ANO7: variants seen among roughly 807,000 people sequenced by gnomAD.
The protein encoded by ANO7 is anoctamin 7.
A neutral mutation model predicts 115.8 loss-of-function variants in ANO7; 114 were observed. That is an observed-to-expected ratio of 0.98 (90% CI 0.85 to 1.15). ANO7 has a LOEUF of 1.15. ANO7 is among the 50% of genes most tolerant of loss of function. ANO7 has a pLI of 0.00. For missense variants in ANO7, 1,302 were observed against 1,201.2 expected (o/e 1.08, Z -1.24); for synonymous variants, 550 against 498.2 (o/e 1.10, Z -1.38).
chr2:241,235,411 G>A, the ANO7 span: 11 of 1,462,636 alleles, frequency 7.5e-6, no homozygotes, highest in Admixed American at 3.4e-5. Flanking sequence ...TCAACAGGAA[G>A]TTGAGAAAGG....
chr2:241,239,518 C>T, the ANO7 span: 16 of 1,124,918 alleles, frequency 1.4e-5, no homozygotes, highest in Admixed American at 1.8e-4. This position sits in a 1 kb window ranked among gnomAD's most constrained non-coding sequence, Gnocchi z 4.6. Flanking sequence ...CACCTCCCTA[C>T]AGGGTGGAGC....
intron 16 of ANO7, 133 bp from the exon 17 acceptor site, chr2:241,212,439 C>A: frequency 9.2e-7 from 1 of 1,082,200 alleles, no homozygotes; most frequent in Non-Finnish European, 1.4e-6. Context: ...CAGCTCACAA[C>A]CGGGACTCTA....
intron 7 of ANO7, among the ~76,000 whole-genome samples, 181 bp from the exon 8 acceptor site, chr2:241,202,013 G>A (rs530865665): frequency 9.2e-5 from 14 of 152,362 alleles, no homozygotes; most frequent in East Asian, 3.9e-4. Flanking sequence ...GCACAGGGGC[G>A]TCCTGCATGT....
intron 11 of ANO7, among the ~76,000 whole-genome samples, chr2:241,208,371 G>A (rs1278823633): frequency 6.6e-6 from 1 of 152,220 alleles, no homozygotes; most frequent in East Asian, 1.9e-4. Context: ...GGTTTCTGGT[G>A]CTGCTGGCAG....
chr2:241,236,847 T>C, the ANO7 span: 6 of 1,467,764 alleles, frequency 4.1e-6, no homozygotes, highest in South Asian at 6.2e-5. Flanking sequence ...CATATGTCTG[T>C]GAGGCACCTG....
intron 18 of ANO7, 72 bp downstream of exon 18, chr2:241,214,974 TC>T: frequency 7.3e-7 from 1 of 1,370,970 alleles, no homozygotes; most frequent in South Asian, 1.3e-5. Flanking sequence ...AGTAGCAGCC[TC>T]CAGCCCGGCC....
At chr2:241,230,016 C>T (rs894063582), downstream of ANO7, 213 of 1,568,970 alleles carry the variant, frequency 1.4e-4, no homozygotes, top group Non-Finnish European at 1.5e-4. This position sits in a 1 kb window ranked among gnomAD's most constrained non-coding sequence, Gnocchi z 5.0. Context: ...CCCAGCATCC[C>T]GCCCGCCTGC....
At chr2:241,234,723 C>A in the ANO7 span, among the ~76,000 whole-genome samples, 3 of 152,186 alleles carry the variant, frequency 2.0e-5, no homozygotes, top group African/African-American at 7.2e-5. Context: ...TCCCTGCTTA[C>A]CAGGAAGTCA....
Position 241,223,644 on chromosome 2 carries a change from G to A in ANO7, c.2413-18G>A, listed in dbSNP as rs751872737. ...TCTGGGCGTTTGGGTGGGCGTGAGTGCCTTCCTCTGCTCCCAGCATGTGGT... is the reference window on the plus strand; with the variant it reads ...TCTGGGCGTTTGGGTGGGCGTGAGTACCTTCCTCTGCTCCCAGCATGTGGT... On this transcript the variant is annotated intron_variant, in intron 22 of 24. Coordinates refer to ENST00000674324, the MANE Select transcript of ANO7 (RefSeq NM_001370694.2). 6.2e-6 allele frequency: 10 copies of A among 1,609,646 alleles called. No individual in the cohort carries two copies. Among genetic ancestry groups the A allele is most frequent in the Non-Finnish European group, 7.6e-6 (9 of 1,177,818 alleles).
chr2:241,214,856 A>G lies in ANO7; in HGVS notation c.1780A>G (p.Met594Val), dbSNP rs975509475. ...GCTGGCACAGGAGCTCCTGGTCATC[A>G]TGGTGGGCAAGCAGGTCATCAACAA... ...IELAQELLVI[M>V]VGKQVINNMQ... Residue 594 changes from methionine to valine, a missense_variant, in exon 18 of 25, where the codon ATG (methionine) becomes GTG (valine). By Grantham distance (21) the Met-to-Val change is conservative. Coordinates refer to ENST00000674324, the MANE Select transcript of ANO7 (RefSeq NM_001370694.2). 3 of 1,612,762 alleles carry G rather than the reference A, an allele frequency of 1.9e-6. No homozygotes were observed. The highest frequency in any genetic ancestry group is 2.5e-6 in the Non-Finnish European group (3 of 1,179,934).
intron 21 of ANO7, among the ~76,000 whole-genome samples, chr2:241,221,301 C>T (rs1181523085): frequency 6.6e-6 from 1 of 152,052 alleles, no homozygotes; most frequent in East Asian, 2.0e-4. Context: ...GTCTTGAACT[C>T]CTGACCTCAG....
chr2:241,223,554 C>T, intron 22 of ANO7, 108 bp from the exon 23 acceptor site: 2 of 1,509,976 alleles, frequency 1.3e-6, no homozygotes, highest in East Asian at 2.4e-5. Context: ...CAGCTGCTTT[C>T]TGACTCCACC....
At position 241,225,113 on chromosome 2, in the gene ANO7, C is replaced by T. The variant is rs1051770245; in HGVS notation, c.*960C>T. 1 of 152,238 alleles carries T rather than the reference C, an allele frequency of 6.6e-6. No homozygotes were observed. Among genetic ancestry groups the T allele is most frequent in the Non-Finnish European group, 1.5e-5 (1 of 68,070 alleles). 9.4% of individuals were successfully genotyped at this position (152,238 alleles called of 1,614,324 possible). ...GGGAGCCACATGAAGCTTCCCCTGG[C>T]TAACTTGCTACCCCGCAGCAATCCC... On this transcript the variant is annotated 3_prime_UTR_variant, in exon 25 of 25. Coordinates refer to ENST00000674324, the MANE Select transcript of ANO7 (RefSeq NM_001370694.2).
At chr2:241,211,058 T>C (rs1256628247) in intron 15 of ANO7, among the ~76,000 whole-genome samples, 5 of 152,158 alleles carry the variant, frequency 3.3e-5, no homozygotes, top group Admixed American at 3.3e-4. Context: ...TTTCTAAATG[T>C]GGTACAGATT....
At chr2:241,207,222 AG>A (rs2068615573) in intron 10 of ANO7, among the ~76,000 whole-genome samples, 1 of 150,584 alleles carries the variant, frequency 6.6e-6, no homozygotes, top group Admixed American at 6.6e-5. Context: ...GAGTGCTCCC[AG>A]GCTGACACAG....
At chr2:241,234,976 G>T in the ANO7 span, 1 of 914,816 alleles carries the variant, frequency 1.1e-6, no homozygotes, top group Non-Finnish European at 1.6e-6. Flanking sequence ...CCTGGATGCT[G>T]ACTGCGTCCT....
chr2:241,195,293 C>G (rs531812819), intron 3 of ANO7, among the ~76,000 whole-genome samples: 107 of 152,314 alleles, frequency 7.0e-4, no homozygotes, highest in Non-Finnish European at 7.9e-4. Flanking sequence ...CTGTCTCATG[C>G]CAGAAAATCA....
chr2:241,209,465 G>C (rs200679344), intron 12 of ANO7, 33 bp from the exon 13 acceptor site: 1 of 1,598,904 alleles, frequency 6.3e-7, no homozygotes, highest in South Asian at 1.1e-5. Flanking sequence ...CACACCCGGC[G>C]AGGGCCGCCA....
chr2:241,213,616 T>C (rs2068762772), intron 17 of ANO7, among the ~76,000 whole-genome samples: 1 of 152,064 alleles, frequency 6.6e-6, no homozygotes, highest in Non-Finnish European at 1.5e-5. Flanking sequence ...CAGCCCCTCC[T>C]GGGTGAGGGC....
Sources: gnomAD v4.1 joint callset for allele counts (sites outside exome capture counted in the v4.1 genomes callset) on GRCh38, gnomAD v4.1.1 for gene constraint, Gnocchi (gnomAD v3.1) non-coding constraint, MANE v1.5 for transcripts, NCBI Gene and HGNC (gene_info 2026-07-23, HGNC 2026-07-21) for gene names.